ARHGEF10L: variants seen among roughly 807,000 people sequenced by gnomAD.
The protein encoded by ARHGEF10L is Rho guanine nucleotide exchange factor 10 like.
ARHGEF10L carries 69 observed loss-of-function variants against 141.2 expected under a neutral mutation model. That is an observed-to-expected ratio of 0.49 (90% CI 0.40 to 0.60). ARHGEF10L has a LOEUF of 0.60. ARHGEF10L is among the 20% of genes least tolerant of loss of function. The pLI is 0.00. For missense variants in ARHGEF10L, 1,482 were observed against 1,734.3 expected (o/e 0.85, Z 2.58); for synonymous variants, 711 against 718.5 (o/e 0.99, Z 0.17).
At chr1:17,525,217 G>C in the ARHGEF10L span, among the ~76,000 whole-genome samples, 6 of 152,176 alleles carry the variant, frequency 3.9e-5, no homozygotes, top group Non-Finnish European at 7.4e-5. Flanking sequence ...GGGTTAAGTA[G>C]TGCCCCTGCC....
At chr1:17,678,065 T>C (rs1288878949) in intron 26 of ARHGEF10L, among the ~76,000 whole-genome samples, 1 of 152,106 alleles carries the variant, frequency 6.6e-6, no homozygotes, top group Non-Finnish European at 1.5e-5. Context: ...GGAAGATGCC[T>C]GGCCCCCTCT....
chr1:17,676,173 C>T (rs1215549165), intron 26 of ARHGEF10L, among the ~76,000 whole-genome samples: 1 of 139,006 alleles, frequency 7.2e-6, no homozygotes, highest in Non-Finnish European at 1.5e-5. Flanking sequence ...GGCGTGGGTG[C>T]AGGTGTGGGT....
At chr1:17,650,663 G>A (rs1191963712) in intron 22 of ARHGEF10L, among the ~76,000 whole-genome samples, 2 of 151,438 alleles carry the variant, frequency 1.3e-5, no homozygotes, top group Non-Finnish European at 2.9e-5. Flanking sequence ...AACCCGGGAA[G>A]CGGAGGTTGC....
At chr1:17,649,150 A>G (rs909261066) in intron 22 of ARHGEF10L, among the ~76,000 whole-genome samples, 4 of 152,216 alleles carry the variant, frequency 2.6e-5, no homozygotes, top group African/African-American at 9.7e-5. Flanking sequence ...TTTAATATCT[A>G]TAAGAACCTT....
At chr1:17,515,693 G>C in the ARHGEF10L span, among the ~76,000 whole-genome samples, 2 of 151,102 alleles carry the variant, frequency 1.3e-5, no homozygotes, top group Non-Finnish European at 2.9e-5. Context: ...CTCAAGCTAG[G>C]GTACAGTGAT....
At chr1:17,588,934 G>T (rs552765193) in intron 4 of ARHGEF10L, among the ~76,000 whole-genome samples, 3 of 126,820 alleles carry the variant, frequency 2.4e-5, no homozygotes, top group East Asian at 2.9e-4. Flanking sequence ...AGGGTGGGGG[G>T]GGTGCAGCCC....
intron 1 of ARHGEF10L, among the ~76,000 whole-genome samples, chr1:17,575,656 T>C (rs897672030): frequency 4.6e-5 from 7 of 151,958 alleles, no homozygotes; most frequent in Non-Finnish European, 1.0e-4. Flanking sequence ...ATTCTGACAG[T>C]GATGGGGAAG....
intron 21 of ARHGEF10L, among the ~76,000 whole-genome samples, chr1:17,646,457 G>T (rs184147512): frequency 6.6e-6 from 1 of 152,326 alleles, no homozygotes; most frequent in Admixed American, 6.5e-5. Context: ...GTCTGTGGTG[G>T]GTCCAGCCCT....
At chr1:17,618,762 G>T (rs2059946881) in intron 9 of ARHGEF10L, among the ~76,000 whole-genome samples, 1 of 152,140 alleles carries the variant, frequency 6.6e-6, no homozygotes, top group South Asian at 2.1e-4. Context: ...AGAGGCTTGG[G>T]CCTCTGTCCA....
chr1:17,520,840 C>T, the ARHGEF10L span, among the ~76,000 whole-genome samples: 1 of 152,196 alleles, frequency 6.6e-6, no homozygotes, highest in Non-Finnish European at 1.5e-5. Context: ...CATCATTTTA[C>T]AGCTGGGAAA....
At chr1:17,652,022 GC>G (rs746443687) in intron 22 of ARHGEF10L, among the ~76,000 whole-genome samples, 5 of 152,212 alleles carry the variant, frequency 3.3e-5, no homozygotes, top group Non-Finnish European at 5.9e-5. Flanking sequence ...CTCTGCCCAG[GC>G]CCCCTTCCAG....
chr1:17,645,843 C>T (rs1304854549), intron 21 of ARHGEF10L, among the ~76,000 whole-genome samples: 2 of 152,216 alleles, frequency 1.3e-5, no homozygotes, highest in African/African-American at 2.4e-5. Context: ...GACGTATCTC[C>T]CGTGATGGCT....
intron 26 of ARHGEF10L, among the ~76,000 whole-genome samples, chr1:17,680,886 C>G (rs144549171): frequency 6.6e-6 from 1 of 151,268 alleles, no homozygotes; most frequent in African/African-American, 2.4e-5. Context: ...CGGGTTCAAG[C>G]GATTCTCCTG....
In ARHGEF10L at chr1:17,654,874, G is replaced by A. The variant is rs2062133163; in HGVS notation, c.2481+152G>A. 1.3e-6 allele frequency: 1 copy of A among 749,580 alleles called. No homozygotes were observed. The highest frequency in any genetic ancestry group is 1.7e-5 in the African/African-American group (1 of 57,862). The allele number at this position is 749,580 out of a possible 1,614,324, so 46.4% of individuals were successfully genotyped here. On this transcript the variant is annotated intron_variant, in intron 23 of 28. Transcript: ENST00000361221. The surrounding 1 kb of genome is among the most constrained non-coding windows in gnomAD (Gnocchi z 4.3). Reference sequence around the variant, plus strand: ...TCTTCCTGGGCACCTCTGGTGCCAGGCACTGCATTTGGAGTTGGGAGGTGC... The same window carrying A: ...TCTTCCTGGGCACCTCTGGTGCCAGACACTGCATTTGGAGTTGGGAGGTGC...
chr1:17,544,807 C>T (rs2076858981), intron 1 of ARHGEF10L, among the ~76,000 whole-genome samples: 1 of 152,066 alleles, frequency 6.6e-6, no homozygotes, highest in Non-Finnish European at 1.5e-5. Context: ...AATGGACTCA[C>T]AGTTCCACAT....
intron 4 of ARHGEF10L, among the ~76,000 whole-genome samples, chr1:17,592,241 C>A (rs1011835552): frequency 6.6e-6 from 1 of 152,192 alleles, no homozygotes; most frequent in African/African-American, 2.4e-5. Context: ...TGGACTCTGG[C>A]CCCCTCTGGA....
rs991554448 is a variant in ARHGEF10L, at chr1:17,539,744, G to A, written c.-250G>A. ...GCGGGACCAGGCCTCGGAGCGCGGC[G>A]GGCGCGGGCGCAGTCCCGGCGGGCC... On this transcript the variant is annotated 5_prime_UTR_variant, in exon 1 of 29. Transcript: ENST00000361221. This position sits in a 1 kb window ranked among gnomAD's most constrained non-coding sequence, Gnocchi z 6.0. The A allele has an allele frequency of 7.4e-4, 108 of 146,270 alleles. No individual in the cohort carries two copies. The highest frequency in any genetic ancestry group is 2.6e-3 in the African/African-American group (106 of 40,724). 9.1% of individuals were successfully genotyped at this position (146,270 alleles called of 1,614,324 possible). A position where few individuals can be genotyped will look rare whatever the true frequency, so the allele number is the denominator to read the frequency against.
intron 7 of ARHGEF10L, among the ~76,000 whole-genome samples, 169 bp downstream of exon 7, chr1:17,608,146 C>G (rs998424279): frequency 6.6e-6 from 1 of 152,110 alleles, no homozygotes; most frequent in African/African-American, 2.4e-5. Flanking sequence ...CAGGTCATCC[C>G]GAAACAGGAG....
Position 17,619,536 on chromosome 1 carries a change from T to C in ARHGEF10L, c.942+91T>C, listed in dbSNP as rs1479701762. Reference sequence around the variant, plus strand: ...TTCTCTGGGGCCACGCTTGTCTGGATCTCACAGGGGATATGATGACTGGGG... The same window carrying C: ...TTCTCTGGGGCCACGCTTGTCTGGACCTCACAGGGGATATGATGACTGGGG... On this transcript the variant is annotated intron_variant, in intron 10 of 28. Transcript: ENST00000361221. The surrounding 1 kb of genome is among the most constrained non-coding windows in gnomAD (Gnocchi z 5.0). 4 of 1,042,942 alleles carry C rather than the reference T, an allele frequency of 3.8e-6. No individual in the cohort carries two copies. The highest frequency in any genetic ancestry group is 5.5e-6 in the Non-Finnish European group (4 of 723,034). 64.6% of individuals were successfully genotyped at this position (1,042,942 alleles called of 1,614,324 possible). A position where few individuals can be genotyped will look rare whatever the true frequency, so the allele number is the denominator to read the frequency against.
Sources: gnomAD v4.1 joint callset for allele counts (sites outside exome capture counted in the v4.1 genomes callset) on GRCh38, gnomAD v4.1.1 for gene constraint, Gnocchi (gnomAD v3.1) non-coding constraint, MANE v1.5 for transcripts, NCBI Gene and HGNC (gene_info 2026-07-23, HGNC 2026-07-21) for gene names.